EDIL3: variants seen among roughly 807,000 people sequenced by gnomAD.
EDIL3 encodes the protein EGF like and discoidin domains 3, also known as EGF-like repeat and discoidin I-like domain-containing protein 3.
Under a neutral mutation model 67.4 loss-of-function variants are expected in EDIL3, and 37 were observed. That is an observed-to-expected ratio of 0.55 (90% CI 0.42 to 0.72). The LOEUF (loss-of-function observed/expected upper bound fraction) is 0.72, where lower values mean the gene tolerates loss of function less well. Among genes scored for constraint, EDIL3 ranks in the 30% least tolerant of loss-of-function variants. The pLI is 0.00. For missense variants in EDIL3, 527 were observed against 586.3 expected (o/e 0.90, Z 1.04); for synonymous variants, 195 against 196.3 (o/e 0.99, Z 0.05).
intron 1 of EDIL3, among the ~76,000 whole-genome samples, chr5:84,363,335 A>G (rs1372725785): frequency 6.6e-6 from 1 of 151,872 alleles, no homozygotes; most frequent in Non-Finnish European, 1.5e-5. Flanking sequence ...CTGTAGTCCC[A>G]GCTACTCGGG....
At chr5:84,259,170 A>G (rs1399975752) in intron 1 of EDIL3, among the ~76,000 whole-genome samples, 1 of 152,028 alleles carries the variant, frequency 6.6e-6, no homozygotes, top group East Asian at 1.9e-4. Context: ...CATGTTAGCC[A>G]GGATGGTCTC....
At position 84,074,711 on chromosome 5, in the gene EDIL3, G is replaced by A. The variant is rs1260988120; in HGVS notation, c.652-8105C>T. 3.3e-5 allele frequency among the ~76,000 whole-genome samples: 5 copies of A among 152,012 alleles called. No individual in the cohort carries two copies. The East Asian group carries it at 7.7e-4, about 23-fold the overall frequency. On this transcript the variant is annotated intron_variant, in intron 6 of 10. Transcript: ENST00000296591. The stretch of plus-strand genomic sequence containing the variant: ...AAGTCAGGAAACAACAGGTGCTGGA[G>A]AGGATGTGGAGAAATAGGAACACTT...
chr5:84,001,973 G>T (rs1274957211), intron 9 of EDIL3, among the ~76,000 whole-genome samples: 1 of 151,660 alleles, frequency 6.6e-6, no homozygotes. Context: ...TATAAAGAAA[G>T]AAAAAGAAAG....
In EDIL3 at chr5:84,160,794, C is replaced by T. The variant is rs543000731; in HGVS notation, c.355+19599G>A. 1.2e-3 allele frequency among the ~76,000 whole-genome samples: 124 copies of T among 107,664 alleles called. 1 individual carries two copies. The highest frequency in any genetic ancestry group is 4.0e-3 in the African/African-American group (114 of 28,676). The allele number at this position is 107,664 out of a possible 152,430, so 70.6% of individuals were successfully genotyped here. A position where few individuals can be genotyped will look rare whatever the true frequency, so the allele number is the denominator to read the frequency against. On this transcript the variant is annotated intron_variant, in intron 4 of 10. Coordinates refer to ENST00000296591, the MANE Select transcript of EDIL3 (RefSeq NM_005711.5). Reference sequence around the variant, plus strand: ...CCTTTCCTTTCCTTTCCTTTCCTTTCCTTTCCTTTCCTTTCCTTTCCTTTC... The same window carrying T: ...CCTTTCCTTTCCTTTCCTTTCCTTTTCTTTCCTTTCCTTTCCTTTCCTTTC...
At chr5:84,025,617 C>G (rs1306832847) in intron 9 of EDIL3, among the ~76,000 whole-genome samples, 1 of 152,094 alleles carries the variant, frequency 6.6e-6, no homozygotes, top group African/African-American at 2.4e-5. Flanking sequence ...TAAATTGGTC[C>G]CTGGTACCAA....
intron 3 of EDIL3, among the ~76,000 whole-genome samples, chr5:84,181,953 A>C (rs1406171779): frequency 6.6e-6 from 1 of 152,116 alleles, no homozygotes; most frequent in African/African-American, 2.4e-5. Context: ...TGAAGAGGTG[A>C]TTTTGAGAGC....
At chr5:84,349,596 T>C (rs1747314230) in intron 1 of EDIL3, among the ~76,000 whole-genome samples, 2 of 152,142 alleles carry the variant, frequency 1.3e-5, no homozygotes, top group Non-Finnish European at 2.9e-5. Flanking sequence ...TTAAATGGAA[T>C]TCTGTTCACA....
At chr5:84,334,169 C>T (rs919147904) in intron 1 of EDIL3, among the ~76,000 whole-genome samples, 15 of 151,216 alleles carry the variant, frequency 9.9e-5, no homozygotes, top group Non-Finnish European at 1.8e-4. Flanking sequence ...CGGGTTCAAG[C>T]GGGAGCCTTA....
intron 1 of EDIL3, among the ~76,000 whole-genome samples, chr5:84,257,649 T>A (rs1745145571): frequency 6.6e-6 from 1 of 152,162 alleles, no homozygotes; most frequent in Non-Finnish European, 1.5e-5. Context: ...TAGATTCAGT[T>A]TTAAAGGGAT....
At chr5:84,377,845 A>G (rs1292309702) in intron 1 of EDIL3, among the ~76,000 whole-genome samples, 1 of 152,236 alleles carries the variant, frequency 6.6e-6, no homozygotes, top group Non-Finnish European at 1.5e-5. Context: ...TAACAACCAC[A>G]TTCAAAAGTG....
chr5:84,010,891 T>C (rs1387266452), intron 9 of EDIL3, among the ~76,000 whole-genome samples: 2 of 152,148 alleles, frequency 1.3e-5, no homozygotes, highest in Non-Finnish European at 2.9e-5. Context: ...AAAACAGACC[T>C]AGACTTCACC....
chr5:84,237,577 G>A (rs1744706075), intron 2 of EDIL3, among the ~76,000 whole-genome samples: 1 of 152,020 alleles, frequency 6.6e-6, no homozygotes, highest in African/African-American at 2.4e-5. Flanking sequence ...CAGGACTTCT[G>A]TCTTATAAAT....
intron 1 of EDIL3, among the ~76,000 whole-genome samples, chr5:84,358,192 C>G (rs946901327): frequency 1.1e-4 from 17 of 152,104 alleles, no homozygotes; most frequent in African/African-American, 3.9e-4. Flanking sequence ...GAAATTACAC[C>G]TGGTTTTCTC....
chr5:84,037,543 T>C (rs1405559499), intron 9 of EDIL3, among the ~76,000 whole-genome samples: 3 of 152,214 alleles, frequency 2.0e-5, no homozygotes, highest in Non-Finnish European at 4.4e-5. Context: ...AAAGTTAATA[T>C]ATTTATGTGA....
rs1035240049 is a variant in EDIL3, at chr5:84,322,092, A to G, written c.67+62216T>C. Among the ~76,000 whole-genome samples the G allele has an allele frequency of 3.3e-5, 5 of 151,538 alleles. No individual in the cohort carries two copies. In the East Asian group the frequency reaches 5.8e-4, roughly 18 times the overall value. ...AATAATAATAATAATAATAAGCAAA[A>G]CACCCTGAAAAGGGGGGAAATGTGA... On this transcript the variant is annotated intron_variant, in intron 1 of 10. Transcript: ENST00000296591.
chr5:84,100,561 C>T (rs902467514), intron 6 of EDIL3, among the ~76,000 whole-genome samples: 19 of 151,992 alleles, frequency 1.3e-4, no homozygotes, highest in African/African-American at 4.4e-4. Flanking sequence ...ACATCACACA[C>T]TGGGGACTGT....
At chr5:84,103,897 A>G (rs997224956) in intron 6 of EDIL3, among the ~76,000 whole-genome samples, 1 of 152,094 alleles carries the variant, frequency 6.6e-6, no homozygotes, top group Non-Finnish European at 1.5e-5. Flanking sequence ...AAATTGTTCT[A>G]TGATAAAGGC....
At chr5:84,073,392 A>G (rs1014712332) in intron 6 of EDIL3, among the ~76,000 whole-genome samples, 2 of 152,216 alleles carry the variant, frequency 1.3e-5, no homozygotes, top group Non-Finnish European at 2.9e-5. Context: ...AATTAGGAAA[A>G]GAGGAAGTCA....
intron 9 of EDIL3, among the ~76,000 whole-genome samples, chr5:84,007,529 T>C (rs1745439915): frequency 6.6e-6 from 1 of 152,076 alleles, no homozygotes; most frequent in Admixed American, 6.6e-5. Context: ...AGGTTCTCAA[T>C]ATCATTAATT....
Sources: gnomAD v4.1 joint callset for allele counts (sites outside exome capture counted in the v4.1 genomes callset) on GRCh38, gnomAD v4.1.1 for gene constraint, MANE v1.5 for transcripts, NCBI Gene and HGNC (gene_info 2026-07-23, HGNC 2026-07-21) for gene names.